Variants in ARHGAP8 observed in about 807,000 individuals in gnomAD.
ARHGAP8 encodes rho GTPase-activating protein 8.
A neutral mutation model predicts 46.1 loss-of-function variants in ARHGAP8; 62 were observed. The ratio of observed to expected loss-of-function variants is 1.34; its 90% CI spans 1.10 to 1.66. The LOEUF (loss-of-function observed/expected upper bound fraction) is 1.66. ARHGAP8 is among the 40% of genes most tolerant of loss of function. The probability of loss-of-function intolerance (pLI) is 0.00; values close to 1 mark genes in which losing one functional copy is unlikely to be tolerated. For missense variants in ARHGAP8, 923 were observed against 568.4 expected (o/e 1.62, Z -6.34); for synonymous variants, 375 against 243.1 (o/e 1.54, Z -5.05).
rs571223378 is a variant in ARHGAP8 at position 44,857,677 on chromosome 22, G to A, written c.878-2054G>A. 1.2e-4 allele frequency among the ~76,000 whole-genome samples: 19 copies of A among 152,250 alleles called. No individual in the cohort carries two copies. The East Asian group carries it at 2.9e-3, about 23-fold the overall frequency. ...CCTTCCCTCTGGGTATAGGGAAGGC[G>A]CCTCTCATAGGATGATCTCATGGCC... On this transcript the variant is annotated intron_variant, in intron 10 of 11. Coordinates refer to ENST00000356099, the MANE Select transcript of ARHGAP8 (RefSeq NM_181335.3).
At chr22:44,815,657 G>T (rs1461778095) in intron 5 of ARHGAP8, among the ~76,000 whole-genome samples, 1 of 152,126 alleles carries the variant, frequency 6.6e-6, no homozygotes, top group East Asian at 1.9e-4. Flanking sequence ...CCGGAAATGT[G>T]GCGACTTCAG....
At chr22:44,855,180 C>T (rs968075266) in intron 10 of ARHGAP8, among the ~76,000 whole-genome samples, 17 of 152,116 alleles carry the variant, frequency 1.1e-4, no homozygotes, top group Admixed American at 1.0e-3. Context: ...GTATACATAA[C>T]ATACATGCGT....
intron 3 of ARHGAP8, among the ~76,000 whole-genome samples, chr22:44,807,735 C>T (rs1427708304): frequency 6.6e-6 from 1 of 152,210 alleles, no homozygotes; most frequent in Non-Finnish European, 1.5e-5. Context: ...TGGCCAGGGC[C>T]GTGCTCCCTG....
At chr22:44,797,355 C>T (rs1054098045) in intron 2 of ARHGAP8, among the ~76,000 whole-genome samples, 4 of 151,722 alleles carry the variant, frequency 2.6e-5, no homozygotes, top group African/African-American at 9.7e-5. Context: ...CTCTGTTATT[C>T]CACAGGAGGA....
chr22:44,828,501 G>A lies in ARHGAP8; in HGVS notation c.596+2908G>A, dbSNP rs185896287. Among the ~76,000 whole-genome samples, 52 of 149,644 alleles carry A rather than the reference G, an allele frequency of 3.5e-4. 1 individual carries two copies. In the East Asian group the frequency reaches 0.01, roughly 29 times the overall value. ...GTCTCACTCTGTTGCCCAGGCTGGA[G>A]TGCAGTGGCAGGATCTCGGCTCCCT... On this transcript the variant is annotated intron_variant, in intron 7 of 11. Coordinates refer to ENST00000356099, the MANE Select transcript of ARHGAP8 (RefSeq NM_181335.3).
chr22:44,755,451 T>G (rs996712747), intron 1 of ARHGAP8, among the ~76,000 whole-genome samples: 10 of 152,194 alleles, frequency 6.6e-5, no homozygotes, highest in African/African-American at 2.4e-4. Context: ...CTTGGTCCTT[T>G]AATTAAAACT....
rs569466471 is a variant in ARHGAP8 at position 44,859,677 on chromosome 22, C to T, written c.878-54C>T. The T allele has an allele frequency of 3.4e-5, 54 of 1,590,800 alleles. No individual in the cohort carries two copies. The South Asian group carries it at 4.3e-4, about 13-fold the overall frequency. ...CCTGTTCTCCTCCCGGGCCGGGATG[C>T]AGCGCTGCCCCTGGCCCCTCTGGAG... On this transcript the variant is annotated intron_variant, in intron 10 of 11. Transcript: ENST00000356099.
chr22:44,862,549 C>T lies in ARHGAP8; in HGVS notation c.1256C>T (p.Pro419Leu), dbSNP rs747350322. The T allele has an allele frequency of 6.2e-7, 1 of 1,602,974 alleles. No homozygotes were observed. The highest frequency in any genetic ancestry group is 1.1e-5 in the South Asian group (1 of 90,666). ...ACACAAGCCACGGGCCTCACCAAGC[C>T]TACCCTACCTCCGAGTCCCCTGATG... ...PRTQATGLTK[P>L]TLPPSPLMAA... The change falls in exon 12 of 12, where the codon CCT becomes CTT. Residue 419 changes from proline to leucine, a missense_variant. By Grantham distance (98) the Pro-to-Leu change is moderately conservative (BLOSUM62 -3). Coordinates refer to ENST00000356099, the MANE Select transcript of ARHGAP8 (RefSeq NM_181335.3).
At position 44,803,844 on chromosome 22, in the gene ARHGAP8, A is replaced by T. The variant is rs571243366; in HGVS notation, c.167+1680A>T. 5.5e-5 allele frequency among the ~76,000 whole-genome samples: 8 copies of T among 145,038 alleles called. No individual in the cohort carries two copies. In the South Asian group the frequency reaches 1.8e-3, roughly 32 times the overall value. ...TCTCATACACACACACCTCTTGTGC[A>T]CACGCTTCTCCATCACTAAGTTGAC... On this transcript the variant is annotated intron_variant, in intron 3 of 11. Coordinates refer to ENST00000356099, the MANE Select transcript of ARHGAP8 (RefSeq NM_181335.3).
chr22:44,821,430 A>G (rs74974404), intron 5 of ARHGAP8, among the ~76,000 whole-genome samples: 5 of 370 alleles, frequency 0.014, no homozygotes, highest in East Asian at 0.045. Flanking sequence ...CTCCATCTCG[A>G]AAAAAAAAAA....
At chr22:44,833,819 A>G (rs1026674896) in intron 7 of ARHGAP8, among the ~76,000 whole-genome samples, 2 of 152,166 alleles carry the variant, frequency 1.3e-5, no homozygotes, top group Non-Finnish European at 2.9e-5. Flanking sequence ...AAAATTACTA[A>G]TGTAACCTCT....
intron 1 of ARHGAP8, among the ~76,000 whole-genome samples, chr22:44,774,393 G>GTTTGAAT (rs1217884368): frequency 6.6e-6 from 1 of 152,024 alleles, no homozygotes; most frequent in Non-Finnish European, 1.5e-5. Context: ...GGACATTGTA[G>GTTTGAAT]TTTGAATATA....
chr22:44,835,449 C>G (rs1931221263), intron 7 of ARHGAP8, among the ~76,000 whole-genome samples: 1 of 152,030 alleles, frequency 6.6e-6, no homozygotes, highest in Non-Finnish European at 1.5e-5. Context: ...GAAACCCCGT[C>G]TCTACTAAAA....
chr22:44,862,305 A>C lies in ARHGAP8; in HGVS notation c.1012A>C (p.Asn338His). ...CCGGGAGAGCATCTTCAACAAAATGAACAGCTCTAACCTGGCCTGTGTCTT... is the reference window on the plus strand; with the variant it reads ...CCGGGAGAGCATCTTCAACAAAATGCACAGCTCTAACCTGGCCTGTGTCTT... ...VSRESIFNKM[N>H]SSNLACVFGL... is the part of the protein sequence containing the mutation. Residue 338 changes from asparagine (N) to histidine (H), a missense_variant, in exon 12 of 12, where the codon AAC becomes CAC. By Grantham distance (68) the Asn-to-His change is moderately conservative (BLOSUM62 1). Transcript: ENST00000356099. 6.2e-7 allele frequency: 1 copy of C among 1,601,642 alleles called. No individual in the cohort carries two copies. The highest frequency in any genetic ancestry group is 1.1e-5 in the South Asian group (1 of 90,608).
At chr22:44,786,322 T>C (rs1927229050) in intron 1 of ARHGAP8, 135 bp from the exon 2 acceptor site, 2 of 1,035,082 alleles carry the variant, frequency 1.9e-6, no homozygotes, top group Non-Finnish European at 2.7e-6. Context: ...GCGTAGTGGG[T>C]GCACGGCTGA....
At chr22:44,759,381 G>T (rs1924945278) in intron 1 of ARHGAP8, among the ~76,000 whole-genome samples, 1 of 152,194 alleles carries the variant, frequency 6.6e-6, no homozygotes, top group African/African-American at 2.4e-5. Flanking sequence ...CCAATCTGGG[G>T]TAGGCAGGGC....
intron 7 of ARHGAP8, among the ~76,000 whole-genome samples, chr22:44,829,634 T>C (rs1174811560): frequency 6.6e-6 from 1 of 152,250 alleles, no homozygotes; most frequent in Non-Finnish European, 1.5e-5. Context: ...TTTAAATTAA[T>C]ATTTTATGTG....
At chr22:44,814,350 A>G (rs1001126415) in intron 4 of ARHGAP8, among the ~76,000 whole-genome samples, 5 of 152,092 alleles carry the variant, frequency 3.3e-5, no homozygotes, top group African/African-American at 1.2e-4. Flanking sequence ...TTTAATTCTG[A>G]GAGCTGTTGC....
At chr22:44,757,700 G>A (rs369546965) in intron 1 of ARHGAP8, among the ~76,000 whole-genome samples, 299 of 151,978 alleles carry the variant, frequency 2.0e-3, no homozygotes, top group Middle Eastern at 0.017. Context: ...GTGTAGTGGC[G>A]TGATCTCAGC....
Sources: gnomAD v4.1 joint callset for allele counts (sites outside exome capture counted in the v4.1 genomes callset) on GRCh38, gnomAD v4.1.1 for gene constraint, MANE v1.5 for transcripts, NCBI Gene and HGNC (gene_info 2026-07-23, HGNC 2026-07-21) for gene names.